TGDS: variants seen among roughly 807,000 people sequenced by gnomAD.
The protein encoded by TGDS is TDP-glucose 4,6-dehydratase, also known as UDP-D-glucose 4,6-dehydratase.
TGDS carries 47 observed loss-of-function variants against 52.3 expected under a neutral mutation model. The observed-to-expected ratio is 0.90, with a 90% CI of 0.71 to 1.15. The LOEUF (loss-of-function observed/expected upper bound fraction) is 1.15. Among genes scored for constraint, TGDS ranks in the 50% most tolerant of loss-of-function variants. The pLI, the probability that TGDS is intolerant of heterozygous loss-of-function variation, is 0.00. For missense variants in TGDS, 375 were observed against 418.4 expected, an observed-to-expected ratio of 0.90 and a Z score of 0.90; for synonymous variants, 115 against 136.9, an observed-to-expected ratio of 0.84 and a Z score of 1.12.
At chr13:94,593,402 A>G (rs1889273425) in intron 2 of TGDS, among the ~76,000 whole-genome samples, 1 of 152,178 alleles carries the variant, frequency 6.6e-6, no homozygotes, top group African/African-American at 2.4e-5. Context: ...GGATGTCCCA[A>G]TTACCCTGAT....
rs115423671 is a variant in TGDS, at chr13:94,583,303, A to G, written c.314-67T>C. ...GGATAAAACAAATGCCAAATGATGGACTCAGGTTTAAGGAGAGTACTAGTC... is the reference window on the plus strand; with the variant it reads ...GGATAAAACAAATGCCAAATGATGGGCTCAGGTTTAAGGAGAGTACTAGTC... On this transcript the variant is annotated intron_variant, in intron 4 of 11. Transcript: ENST00000261296. 4,914 of 1,538,794 alleles carry G rather than the reference A, an allele frequency of 3.2e-3. 130 individuals carry two copies. In the African/African-American group the frequency reaches 0.06, roughly 19 times the overall value.
intron 6 of TGDS, among the ~76,000 whole-genome samples, chr13:94,580,876 C>T (rs535440040): frequency 2.6e-5 from 4 of 152,282 alleles, no homozygotes; most frequent in South Asian, 2.1e-4. Context: ...GCGTGGCTCA[C>T]GCCTGTAATC....
chr13:94,589,743 C>G (rs944045344), intron 4 of TGDS, among the ~76,000 whole-genome samples: 1 of 152,168 alleles, frequency 6.6e-6, no homozygotes, highest in South Asian at 2.1e-4. Flanking sequence ...AACCACTACA[C>G]AGCACTGAAA....
chr13:94,579,913 G>T lies in TGDS; in HGVS notation c.596C>A (p.Pro199Gln). 6.3e-7 allele frequency: 1 copy of T among 1,598,316 alleles called. No homozygotes were observed. Among genetic ancestry groups the T allele is most frequent in the Non-Finnish European group, 8.6e-7 (1 of 1,169,416 alleles). Residue 199 changes from proline to glutamine, a missense_variant, in exon 7 of 12, where the codon CCA (proline) becomes CAA (glutamine). By Grantham distance (76) the Pro-to-Gln change is moderately conservative (BLOSUM62 -1). Coordinates refer to ENST00000261296, the MANE Select transcript of TGDS (RefSeq NM_014305.4). The stretch of plus-strand genomic sequence containing the variant: ...ATTTACCTTTTCTGGATATTGATGT[G>T]GTCCATAAACATTACTGCTTCTTGT... ...VITRSSNVYG[P>Q]HQYPEKVIPK...
At chr13:94,592,454 T>C (rs1235426967) in intron 2 of TGDS, 145 bp from the exon 3 acceptor site, 2 of 625,326 alleles carry the variant, frequency 3.2e-6, no homozygotes, top group Non-Finnish European at 5.3e-6. Context: ...TCCCTGTCTT[T>C]ACACTACTTT....
At chr13:94,577,341 CT>C in intron 10 of TGDS, 29 bp downstream of exon 10, 2 of 1,523,296 alleles carry the variant, frequency 1.3e-6, no homozygotes, top group Non-Finnish European at 1.8e-6. Context: ...ATTTCACAAC[CT>C]TTCCCCAAGG....
intron 4 of TGDS, among the ~76,000 whole-genome samples, chr13:94,586,751 ATT>A (rs55763244): frequency 1.1e-4 from 4 of 36,868 alleles, no homozygotes; most frequent in East Asian, 9.3e-4. Flanking sequence ...AAATCAAATT[ATT>A]TTTTTTTTTT....
intron 5 of TGDS, among the ~76,000 whole-genome samples, chr13:94,581,638 T>G (rs1306037915): frequency 6.6e-6 from 1 of 152,202 alleles, no homozygotes. Flanking sequence ...GTTTACCTGA[T>G]AAAAATTGCA....
intron 4 of TGDS, among the ~76,000 whole-genome samples, chr13:94,586,766 T>C (rs1253966146): frequency 6.7e-6 from 1 of 148,992 alleles, no homozygotes; most frequent in Non-Finnish European, 1.5e-5. Context: ...TTTTTTTTTT[T>C]TTTTTTTTTT....
chr13:94,586,747 A>AATT (rs150046542), intron 4 of TGDS, among the ~76,000 whole-genome samples: 4 of 127,456 alleles, frequency 3.1e-5, no homozygotes, highest in South Asian at 2.6e-4. Context: ...GAAGAAATCA[A>AATT]ATTATTTTTT....
At position 94,591,299 on chromosome 13, in the gene TGDS, T is replaced by A. The variant is rs139749895; in HGVS notation, c.223-356A>T. ...TTCAGATAACCATTATTAAAATATA[T>A]CTTAGGCTGGGTGTGGTGGCTCACG... is the stretch of plus-strand genomic sequence containing the variant. On this transcript the variant is annotated intron_variant, in intron 3 of 11. Coordinates refer to ENST00000261296, the MANE Select transcript of TGDS (RefSeq NM_014305.4). 3.3e-3 allele frequency among the ~76,000 whole-genome samples: 502 copies of A among 152,282 alleles called. 5 individuals carry two copies. Among genetic ancestry groups the A allele is most frequent in the Middle Eastern group, 0.02 (6 of 294 alleles).
intron 2 of TGDS, among the ~76,000 whole-genome samples, chr13:94,592,538 C>T (rs183116625): frequency 1.8e-4 from 27 of 152,266 alleles, no homozygotes; most frequent in East Asian, 7.8e-4. Flanking sequence ...GCACAAGCTC[C>T]GCCTCCCAGG....
At chr13:94,579,488 C>G (rs1447172089) in intron 7 of TGDS, 1 of 154,850 alleles carries the variant, frequency 6.5e-6, no homozygotes, top group African/African-American at 2.4e-5. Context: ...ATACAAGCTT[C>G]TTGCATCACT....
chr13:94,576,722 A>C lies in TGDS; in HGVS notation c.885-311T>G, dbSNP rs545609986. Among the ~76,000 whole-genome samples the C allele has an allele frequency of 8.5e-5, 13 of 152,326 alleles. No individual in the cohort carries two copies. In the South Asian group the frequency reaches 2.7e-3, roughly 32 times the overall value. On this transcript the variant is annotated intron_variant, in intron 10 of 11. Coordinates refer to ENST00000261296, the MANE Select transcript of TGDS (RefSeq NM_014305.4). ...TCAATGACTAAATAAACAAATACAC[A>C]AAAACTTATTAGAACTCATATGCCA...
Position 94,596,112 on chromosome 13 carries a change from G to C in TGDS, c.25C>G (p.Pro9Ala), listed in dbSNP as rs202097673. 3.7e-6 allele frequency: 6 copies of C among 1,614,110 alleles called. No individual in the cohort carries two copies. In the East Asian group the frequency reaches 1.3e-4, roughly 36 times the overall value. MSAACWEE[P>A]WGLPGGFAKR... ...GCAAAGCCGCCGGGAAGACCCCACG[G>C]TTCCTCCCAACACGCCGCCGACATC... Residue 9 changes from proline to alanine, a missense_variant, in exon 1 of 12, where the codon CCG (proline) becomes GCG (alanine). Pro to Ala is a conservative substitution (Grantham distance 27). Coordinates refer to ENST00000261296, the MANE Select transcript of TGDS (RefSeq NM_014305.4).
At chr13:94,586,755 T>A (rs898635360) in intron 4 of TGDS, among the ~76,000 whole-genome samples, 2 of 67,362 alleles carry the variant, frequency 3.0e-5, no homozygotes, top group Non-Finnish European at 2.8e-5. Flanking sequence ...CAAATTATTT[T>A]TTTTTTTTTT....
At position 94,574,800 on chromosome 13, in the gene TGDS, T is replaced by C; in HGVS notation, c.1035A>G (p.Leu345=). The C allele has an allele frequency of 6.2e-7, 1 of 1,606,774 alleles. No homozygotes were observed. The highest frequency in any genetic ancestry group is 8.5e-7 in the Non-Finnish European group (1 of 1,174,348). Residue 345 remains leucine (L), a synonymous_variant, in exon 12 of 12, where the codon TTA becomes TTG. Transcript: ENST00000261296. ...ATGGTGATTATACCGGAAAGGGTTC[T>C]AATGCCTTTTCCACATTCTTCCAGT... ...FHNWKNVEKA[L]EPFPV
At chr13:94,590,814 G>T (rs746993975) in intron 4 of TGDS, 39 bp downstream of exon 4, 3 of 1,481,296 alleles carry the variant, frequency 2.0e-6, no homozygotes, top group Non-Finnish European at 2.7e-6. Flanking sequence ...GGCGGGGAGA[G>T]AACTGCCAAT....
chr13:94,584,052 T>A (rs1888894377), intron 4 of TGDS, among the ~76,000 whole-genome samples: 1 of 152,194 alleles, frequency 6.6e-6, no homozygotes, highest in Non-Finnish European at 1.5e-5. Flanking sequence ...ATCACTTAGT[T>A]GTTGAGGCTG....
Sources: gnomAD v4.1 joint callset for allele counts (sites outside exome capture counted in the v4.1 genomes callset) on GRCh38, gnomAD v4.1.1 for gene constraint, MANE v1.5 for transcripts, NCBI Gene and HGNC (gene_info 2026-07-23, HGNC 2026-07-21) for gene names.